Variants in MGAT4C observed in about 807,000 individuals in gnomAD.
The protein encoded by MGAT4C is MGAT4 family member C, also known as alpha-1,3-mannosyl-glycoprotein 4-beta-N-acetylglucosaminyltransferase C.
MGAT4C carries 19 observed loss-of-function variants against 40.1 expected under a neutral mutation model. The observed-to-expected ratio is 0.47, with a 90% CI of 0.33 to 0.70. The LOEUF is 0.70. MGAT4C is among the 30% of genes least tolerant of loss of function. The pLI, the probability that MGAT4C is intolerant of heterozygous loss-of-function variation, is 0.02. For synonymous variants in MGAT4C, 181 were observed against 187.1 expected, an observed-to-expected ratio of 0.97 and a Z score of 0.27; for missense variants, 491 against 563.2, an observed-to-expected ratio of 0.87 and a Z score of 1.30.
chr12:86,826,064 C>G (rs980166044), intron 1 of MGAT4C, among the ~76,000 whole-genome samples: 72 of 151,362 alleles, frequency 4.8e-4, no homozygotes, highest in African/African-American at 1.6e-3. Context: ...TATCCAGGAC[C>G]CAACAAGCTC....
chr12:86,779,626 A>G (rs2136180606), intron 1 of MGAT4C, among the ~76,000 whole-genome samples: 1 of 151,574 alleles, frequency 6.6e-6, no homozygotes, highest in Non-Finnish European at 1.5e-5. Flanking sequence ...AATAATAATA[A>G]TAAAAGGCCG....
intron 1 of MGAT4C, among the ~76,000 whole-genome samples, chr12:86,063,419 CATACCAA>C (rs1236922473): frequency 1.3e-5 from 2 of 152,152 alleles, no homozygotes; most frequent in African/African-American, 4.8e-5. Flanking sequence ...ACTGCAAAAA[CATACCAA>C]ATTGTAAAGG....
intron 2 of MGAT4C, among the ~76,000 whole-genome samples, chr12:86,545,988 G>A (rs867233826): frequency 6.6e-5 from 10 of 151,784 alleles, no homozygotes; most frequent in African/African-American, 2.4e-4. Context: ...AAAATTACCA[G>A]AAACATTTTA....
At chr12:86,565,997 C>A (rs778081506) in intron 2 of MGAT4C, among the ~76,000 whole-genome samples, 5 of 152,126 alleles carry the variant, frequency 3.3e-5, no homozygotes, top group Admixed American at 6.5e-5. Flanking sequence ...CAGCACTGAG[C>A]CCTCAATATG....
At chr12:86,091,412 A>G (rs1193588598) in intron 1 of MGAT4C, among the ~76,000 whole-genome samples, 2 of 152,090 alleles carry the variant, frequency 1.3e-5, no homozygotes, top group Non-Finnish European at 2.9e-5. Flanking sequence ...TTTTTTATGA[A>G]GCATTAATGC....
At chr12:86,753,604 C>T (rs914459480) in intron 1 of MGAT4C, among the ~76,000 whole-genome samples, 2 of 151,714 alleles carry the variant, frequency 1.3e-5, no homozygotes, top group East Asian at 2.0e-4. Flanking sequence ...CAATGGGAGA[C>T]TATTTCAAAG....
At chr12:86,012,987 C>G (rs930683252) in intron 2 of MGAT4C, among the ~76,000 whole-genome samples, 7 of 151,664 alleles carry the variant, frequency 4.6e-5, no homozygotes, top group African/African-American at 1.7e-4. Context: ...AAAAATTAGC[C>G]ACGGTGGCAC....
At chr12:86,063,139 C>T (rs12821448) in intron 1 of MGAT4C, among the ~76,000 whole-genome samples, 1 of 152,154 alleles carries the variant, frequency 6.6e-6, no homozygotes, top group Non-Finnish European at 1.5e-5. Flanking sequence ...GGTCGGGTTA[C>T]CCACAAAGGG....
rs1422774373 is a variant in MGAT4C at position 85,966,010 on chromosome 12, G to A, written c.*13279C>T. ...ATGACATTAAAAAATGTATAAAAAG[G>A]TATGTTAAGTAATTAAAAGTGTCAG... On this transcript the variant is annotated 3_prime_UTR_variant, in exon 5 of 5. Transcript: ENST00000611864. 6.6e-6 allele frequency: 1 copy of A among 152,038 alleles called. No homozygotes were observed. Among genetic ancestry groups the A allele is most frequent in the Admixed American group, 6.6e-5 (1 of 15,248 alleles). The allele number at this position is 152,038 out of a possible 1,614,324, so 9.4% of individuals were successfully genotyped here.
At chr12:86,488,158 G>A (rs1398925534) in intron 2 of MGAT4C, among the ~76,000 whole-genome samples, 2 of 151,740 alleles carry the variant, frequency 1.3e-5, no homozygotes, top group Non-Finnish European at 2.9e-5. Flanking sequence ...GCTGAAGTGA[G>A]AGGATAGTGT....
At chr12:85,983,101 C>A (rs1884798666) in intron 4 of MGAT4C, among the ~76,000 whole-genome samples, 1 of 140,208 alleles carries the variant, frequency 7.1e-6, no homozygotes, top group Admixed American at 7.1e-5. Context: ...TGTGGTAATT[C>A]GTTATGGCAG....
intron 4 of MGAT4C, among the ~76,000 whole-genome samples, chr12:86,303,457 T>C (rs1953861657): frequency 6.7e-6 from 1 of 150,188 alleles, no homozygotes; most frequent in Non-Finnish European, 1.5e-5. Flanking sequence ...ATTCGAAAAT[T>C]CTATTAATAT....
At chr12:86,360,585 C>T (rs1955440222) in intron 3 of MGAT4C, among the ~76,000 whole-genome samples, 1 of 152,138 alleles carries the variant, frequency 6.6e-6, no homozygotes, top group Admixed American at 6.5e-5. Flanking sequence ...ATTTAGAAAA[C>T]CCCATCGTCT....
chr12:86,066,580 A>G (rs1365373124), intron 1 of MGAT4C, among the ~76,000 whole-genome samples: 1 of 152,204 alleles, frequency 6.6e-6, no homozygotes, highest in Non-Finnish European at 1.5e-5. Context: ...TTAAATACGT[A>G]TATGTATGAC....
chr12:86,362,296 T>C (rs960555199), intron 3 of MGAT4C, among the ~76,000 whole-genome samples: 7 of 152,066 alleles, frequency 4.6e-5, no homozygotes, highest in Non-Finnish European at 8.8e-5. Flanking sequence ...ATGAGAACAC[T>C]TGGACACAGG....
chr12:86,175,887 C>T (rs1002618785), intron 1 of MGAT4C, among the ~76,000 whole-genome samples: 4 of 151,340 alleles, frequency 2.6e-5, no homozygotes, highest in African/African-American at 7.3e-5. Context: ...AGGAGAATGG[C>T]GTGAACCCTG....
rs1592624711 is a variant in MGAT4C, at chr12:86,269,883, T to C, written c.-57+64182A>G. Reference sequence around the variant, plus strand: ...TCTTCTTGTGTATCCATATGAATTGTAGTTTTTTATTGTGATAAAATATAT... The same window carrying C: ...TCTTCTTGTGTATCCATATGAATTGCAGTTTTTTATTGTGATAAAATATAT... On this transcript the variant is annotated intron_variant, in intron 4 of 7. Coordinates refer to the MGAT4C transcript ENST00000548651. 2.6e-5 allele frequency among the ~76,000 whole-genome samples: 4 copies of C among 152,306 alleles called. No individual in the cohort carries two copies. In the East Asian group the frequency reaches 7.7e-4, roughly 29 times the overall value.
intron 1 of MGAT4C, among the ~76,000 whole-genome samples, chr12:86,825,494 G>T (rs540234300): frequency 6.6e-6 from 1 of 151,278 alleles, no homozygotes; most frequent in East Asian, 2.0e-4. Context: ...TATTAACTGA[G>T]ACAAATCAGA....
At chr12:86,765,667 C>A (rs1009927784) in intron 1 of MGAT4C, among the ~76,000 whole-genome samples, 9 of 152,174 alleles carry the variant, frequency 5.9e-5, no homozygotes, top group African/African-American at 2.2e-4. Context: ...CAGCGGATCT[C>A]TCGGCAGAAA....
Sources: gnomAD v4.1 joint callset for allele counts (sites outside exome capture counted in the v4.1 genomes callset) on GRCh38, gnomAD v4.1.1 for gene constraint, MANE v1.5 for transcripts, NCBI Gene and HGNC (gene_info 2026-07-23, HGNC 2026-07-21) for gene names.